Variants in CENPP observed in about 807,000 individuals in gnomAD.
CENPP encodes the protein centromere protein P.
CENPP carries 24 observed loss-of-function variants against 35.6 expected under a neutral mutation model. That is an observed-to-expected ratio of 0.67 (90% CI 0.49 to 0.95). CENPP has a LOEUF of 0.95. CENPP is among the 40% of genes least tolerant of loss of function. The pLI, the probability that CENPP is intolerant of heterozygous loss-of-function variation, is 0.00. For missense variants in CENPP, 332 were observed against 345.3 expected (o/e 0.96, Z 0.31); for synonymous variants, 120 against 125.5 (o/e 0.96, Z 0.29).
chr9:92,527,043 C>T lies in CENPP; in HGVS notation c.565-84271C>T, dbSNP rs184326556. Among the ~76,000 whole-genome samples the T allele has an allele frequency of 1.4e-4, 22 of 152,312 alleles. No individual in the cohort carries two copies. The East Asian group carries it at 3.9e-3, about 27-fold the overall frequency. On this transcript the variant is annotated intron_variant, in intron 5 of 7. Coordinates refer to ENST00000375587, the MANE Select transcript of CENPP (RefSeq NM_001012267.3). ...ATTTATTTAGAGACAGGGTCTGGCT[C>T]TGCCACCCAGGCTGGAGTGCAGTGG...
chr9:92,502,685 T>A (rs1306677525), intron 5 of CENPP: 2 of 1,485,092 alleles, frequency 1.3e-6, no homozygotes, highest in African/African-American at 2.8e-5. Flanking sequence ...TTATTTTTCT[T>A]TTGTGTTAGT....
At chr9:92,532,608 A>T (rs1848866800) in intron 5 of CENPP, among the ~76,000 whole-genome samples, 1 of 151,888 alleles carries the variant, frequency 6.6e-6, no homozygotes, top group African/African-American at 2.4e-5. Flanking sequence ...TTCATCTGTG[A>T]TTTATCTGCT....
intron 5 of CENPP, among the ~76,000 whole-genome samples, chr9:92,586,786 C>T (rs1042528157): frequency 3.9e-5 from 6 of 152,004 alleles, no homozygotes; most frequent in Admixed American, 6.5e-5. Context: ...CTTCACTGAC[C>T]ACACACAAGC....
At chr9:92,415,872 TTTC>T (rs1403839596) in intron 5 of CENPP, among the ~76,000 whole-genome samples, 3 of 146,294 alleles carry the variant, frequency 2.1e-5, no homozygotes, top group African/African-American at 7.4e-5. Flanking sequence ...AAATTATATA[TTTC>T]TTCTTTTTTT....
In CENPP at chr9:92,589,990, C is replaced by A. The variant is rs532633216; in HGVS notation, c.565-21324C>A. Reference sequence around the variant, plus strand: ...ACAGTATCATCCCTGCTCCCCCACACCTACCTCCCAAAAAGAGGTTTCATT... The same window carrying A: ...ACAGTATCATCCCTGCTCCCCCACAACTACCTCCCAAAAAGAGGTTTCATT... On this transcript the variant is annotated intron_variant, in intron 5 of 7. Coordinates refer to ENST00000375587, the MANE Select transcript of CENPP (RefSeq NM_001012267.3). Among the ~76,000 whole-genome samples, 5 of 152,328 alleles carry A rather than the reference C, an allele frequency of 3.3e-5. No individual in the cohort carries two copies. The South Asian group carries it at 1.0e-3, about 32-fold the overall frequency.
chr9:92,568,475 C>T (rs1250214116), intron 5 of CENPP, among the ~76,000 whole-genome samples: 4 of 152,154 alleles, frequency 2.6e-5, no homozygotes, highest in Admixed American at 1.3e-4. Flanking sequence ...TTTCTTAATC[C>T]AGTCTATCAT....
Position 92,606,711 on chromosome 9 carries a change from T to C in CENPP, c.565-4603T>C, listed in dbSNP as rs542964645. Among the ~76,000 whole-genome samples, 6 of 152,276 alleles carry C rather than the reference T, an allele frequency of 3.9e-5. No individual in the cohort carries two copies. The East Asian group carries it at 9.6e-4, about 24-fold the overall frequency. ...ATGAGGTCAGGAGATCAAGACCATC[T>C]TGGCCAACATGGTGAAACCCCATCT... is the stretch of plus-strand genomic sequence containing the variant. On this transcript the variant is annotated intron_variant, in intron 5 of 7. Transcript: ENST00000375587.
At chr9:92,560,684 C>A (rs1314356331) in intron 5 of CENPP, among the ~76,000 whole-genome samples, 1 of 152,076 alleles carries the variant, frequency 6.6e-6, no homozygotes, top group Non-Finnish European at 1.5e-5. Flanking sequence ...TTCCTTCATC[C>A]CATTCTCTAC....
intron 2 of CENPP, among the ~76,000 whole-genome samples, chr9:92,336,844 A>G (rs1275423922): frequency 6.6e-6 from 1 of 152,222 alleles, no homozygotes; most frequent in East Asian, 1.9e-4. Context: ...TATCTCAAAA[A>G]TATCACTGAC....
intron 5 of CENPP, among the ~76,000 whole-genome samples, chr9:92,588,025 A>G (rs922489794): frequency 6.6e-6 from 1 of 151,962 alleles, no homozygotes; most frequent in Non-Finnish European, 1.5e-5. Context: ...CTGTCATCCC[A>G]GCTAGTTGGG....
At chr9:92,482,892 T>C (rs957746560) in intron 5 of CENPP, among the ~76,000 whole-genome samples, 1 of 152,106 alleles carries the variant, frequency 6.6e-6, no homozygotes, top group African/African-American at 2.4e-5. Context: ...GCTATTGCAT[T>C]ATGCATACTT....
chr9:92,598,308 C>G (rs896930347), intron 5 of CENPP, among the ~76,000 whole-genome samples: 2 of 152,162 alleles, frequency 1.3e-5, no homozygotes, highest in Admixed American at 6.5e-5. Flanking sequence ...CATGTGAGGG[C>G]GAGTTGGCCT....
At chr9:92,329,562 TCTCA>T (rs1041033328) in intron 1 of CENPP, among the ~76,000 whole-genome samples, 2 of 151,996 alleles carry the variant, frequency 1.3e-5, no homozygotes, top group Non-Finnish European at 2.9e-5. Flanking sequence ...TGAGAGAGGG[TCTCA>T]CTCTGTTGCC....
intron 5 of CENPP, among the ~76,000 whole-genome samples, chr9:92,598,206 CTCTG>C (rs1236748949): frequency 2.0e-5 from 3 of 152,186 alleles, no homozygotes; most frequent in Admixed American, 6.5e-5. Context: ...CAGGGCTCCT[CTCTG>C]TCTGGGCTGG....
intron 5 of CENPP, among the ~76,000 whole-genome samples, chr9:92,605,190 T>C (rs987754254): frequency 1.3e-5 from 2 of 152,148 alleles, no homozygotes; most frequent in African/African-American, 2.4e-5. Flanking sequence ...CATGAGACCA[T>C]GTTGGCAAGG....
At chr9:92,370,188 TTCTC>T (rs1165270500) in intron 4 of CENPP, among the ~76,000 whole-genome samples, 1 of 152,208 alleles carries the variant, frequency 6.6e-6, no homozygotes, top group Non-Finnish European at 1.5e-5. Context: ...TATATTATCT[TTCTC>T]ATGTGCTTAA....
chr9:92,445,732 AAATTAGCTGG>A (rs1844536155), intron 5 of CENPP, among the ~76,000 whole-genome samples: 1 of 152,064 alleles, frequency 6.6e-6, no homozygotes, highest in Admixed American at 6.6e-5. Context: ...AAAAATACAA[AAATTAGCTGG>A]GCGTGTTGGT....
chr9:92,334,725 C>A (rs1473996922), intron 2 of CENPP, among the ~76,000 whole-genome samples: 1 of 150,664 alleles, frequency 6.6e-6, no homozygotes, highest in African/African-American at 2.4e-5. Context: ...ACTAAAAATA[C>A]AACAATTAGC....
At chr9:92,469,210 C>T (rs1293150553) in intron 5 of CENPP, among the ~76,000 whole-genome samples, 1 of 151,654 alleles carries the variant, frequency 6.6e-6, no homozygotes, top group Non-Finnish European at 1.5e-5. Flanking sequence ...TTAGTGAGAC[C>T]TAACTTATAA....
Sources: allele counts gnomAD v4.1 joint callset (sites outside exome capture counted in the v4.1 genomes callset), GRCh38; gene constraint gnomAD v4.1.1; transcripts MANE v1.5; gene names NCBI Gene and HGNC (gene_info 2026-07-23, HGNC 2026-07-21).